RASEF: variants seen among roughly 807,000 people sequenced by gnomAD.
The protein encoded by RASEF is RAS and EF-hand domain containing.
RASEF carries 68 observed loss-of-function variants against 90.1 expected under a neutral mutation model. The observed-to-expected ratio is 0.75, with a 90% CI of 0.62 to 0.92. The LOEUF is 0.92. Among genes scored for constraint, RASEF ranks in the 40% least tolerant of loss-of-function variants. The probability of loss-of-function intolerance (pLI) is 0.00; values close to 1 mark genes in which losing one functional copy is unlikely to be tolerated. For synonymous variants in RASEF, 331 were observed against 345.2 expected, an observed-to-expected ratio of 0.96 and a Z score of 0.46; for missense variants, 949 against 937.2, an observed-to-expected ratio of 1.01 and a Z score of -0.16.
chr9:83,017,015 C>T (rs1829353778), intron 3 of RASEF, among the ~76,000 whole-genome samples: 1 of 152,138 alleles, frequency 6.6e-6, no homozygotes, highest in Admixed American at 6.5e-5. Context: ...TTGACTTCAT[C>T]CAGCTTTACA....
the RASEF span, among the ~76,000 whole-genome samples, chr9:83,131,202 T>C: frequency 6.6e-6 from 1 of 152,144 alleles, no homozygotes; most frequent in African/African-American, 2.4e-5. Context: ...AACAAAACAG[T>C]CATGTGGCCA....
the RASEF span, among the ~76,000 whole-genome samples, chr9:83,102,558 C>G: frequency 0.28 from 42,161 of 151,968 alleles, 6,317 homozygotes; most frequent in East Asian, 0.58. Context: ...GTTTCTTATA[C>G]TCATAGCTCC....
At chr9:83,139,017 C>T in the RASEF span, among the ~76,000 whole-genome samples, 12 of 152,058 alleles carry the variant, frequency 7.9e-5, no homozygotes, top group African/African-American at 2.9e-4. Flanking sequence ...AAACATCAGG[C>T]TCTCTGTAAG....
chr9:83,211,858 G>A, the RASEF span, among the ~76,000 whole-genome samples: 6 of 152,218 alleles, frequency 3.9e-5, no homozygotes, highest in South Asian at 2.1e-4. Context: ...AAAGGAACCC[G>A]TGGCTTTTGG....
chr9:83,190,601 T>C, the RASEF span, among the ~76,000 whole-genome samples: 1 of 152,240 alleles, frequency 6.6e-6, no homozygotes, highest in Non-Finnish European at 1.5e-5. Flanking sequence ...TTGTGCTTAA[T>C]GATGCCAACA....
chr9:83,048,206 A>G (rs1240900416), intron 1 of RASEF: 1 of 985,324 alleles, frequency 1.0e-6, no homozygotes, highest in Non-Finnish European at 1.2e-6. Context: ...CTTGGAGGTC[A>G]TCTGACAGGG....
chr9:83,062,452 G>T lies in RASEF; in HGVS notation c.416C>A (p.Ala139Asp), dbSNP rs1255123773. 2.5e-6 allele frequency: 4 copies of T among 1,612,880 alleles called. No homozygotes were observed. In the African/African-American group the frequency reaches 4.0e-5, roughly 16 times the overall value. ...QDFQARLGDEAKFIPREEQVS... is the reference protein window; with the variant it reads ...QDFQARLGDEDKFIPREEQVS... ...ACACTCGCACCTGGGAATGAACTTG[G>T]CTTCGTCCCCAAGTCGCGCCTGGAA... Residue 139 changes from alanine to aspartate, a missense_variant, in exon 1 of 17, where the codon GCC becomes GAC. Ala to Asp is a moderately radical substitution (Grantham distance 126). Around this residue, in one of 3 missense-constraint regions of RASEF, gnomAD observed 656 missense variants for 592.2 expected, o/e 1.11. Transcript: ENST00000376447.
chr9:83,011,550 CAAAAAA>C (rs71363083), intron 5 of RASEF, among the ~76,000 whole-genome samples: 1 of 28,108 alleles, frequency 3.6e-5, no homozygotes, highest in Non-Finnish European at 6.2e-5. Flanking sequence ...GACTCCATCT[CAAAAAA>C]AAAAAAAAAA....
chr9:83,156,810 T>C, the RASEF span, among the ~76,000 whole-genome samples: 1 of 152,134 alleles, frequency 6.6e-6, no homozygotes, highest in Non-Finnish European at 1.5e-5. Context: ...TTATGCTAAG[T>C]TGGGATGGGT....
chr9:83,000,678 A>C, intron 10 of RASEF, 108 bp from the exon 11 acceptor site: 1 of 1,047,008 alleles, frequency 9.6e-7, no homozygotes, highest in Non-Finnish European at 1.4e-6. Flanking sequence ...TATGCAGCTA[A>C]ATCAACAGTC....
At chr9:83,205,763 A>G in the RASEF span, among the ~76,000 whole-genome samples, 1 of 152,344 alleles carries the variant, frequency 6.6e-6, no homozygotes, top group East Asian at 1.9e-4. Flanking sequence ...ATTTCTCAGA[A>G]GATTGCCAAT....
intron 15 of RASEF, among the ~76,000 whole-genome samples, chr9:82,992,007 T>C (rs1828825183): frequency 6.6e-6 from 1 of 152,240 alleles, no homozygotes; most frequent in South Asian, 2.1e-4. Context: ...AAATATGGGT[T>C]GAGTGAATCT....
the RASEF span, among the ~76,000 whole-genome samples, chr9:83,121,315 T>A: frequency 6.6e-6 from 1 of 152,218 alleles, no homozygotes; most frequent in East Asian, 1.9e-4. Flanking sequence ...CTAGATATGT[T>A]TCTATGTATT....
intron 1 of RASEF, among the ~76,000 whole-genome samples, chr9:83,034,500 T>C (rs1829704195): frequency 6.6e-6 from 1 of 152,162 alleles, no homozygotes; most frequent in Admixed American, 6.5e-5. Flanking sequence ...CCAAAAGATA[T>C]TAAAACGGAA....
chr9:83,079,725 C>T, the RASEF span, among the ~76,000 whole-genome samples: 1 of 151,418 alleles, frequency 6.6e-6, no homozygotes, highest in African/African-American at 2.4e-5. Flanking sequence ...TCAACCTTAA[C>T]AAATTGTATG....
intron 16 of RASEF, 23 bp from the exon 17 acceptor site, chr9:82,982,805 CAGAGAGAGAGAGAGAG>C: frequency 1.1e-6 from 1 of 915,884 alleles, no homozygotes; most frequent in Non-Finnish European, 1.8e-6. Flanking sequence ...TAGAGAGAGA[CAGAGAGAGAGAGAGAG>C]AGAGAGAGAG....
chr9:83,215,327 C>T, the RASEF span, among the ~76,000 whole-genome samples: 1 of 152,130 alleles, frequency 6.6e-6, no homozygotes, highest in African/African-American at 2.4e-5. Context: ...TGGCCCTCTA[C>T]CCTTGCAAAA....
At chr9:83,191,456 T>C in the RASEF span, among the ~76,000 whole-genome samples, 2 of 152,168 alleles carry the variant, frequency 1.3e-5, no homozygotes, top group Admixed American at 1.3e-4. Context: ...AATAAAAGAA[T>C]ACCAGGCAAT....
chr9:83,017,517 C>T (rs1218984997), intron 3 of RASEF, among the ~76,000 whole-genome samples: 1 of 151,376 alleles, frequency 6.6e-6, no homozygotes, highest in Non-Finnish European at 1.5e-5. Flanking sequence ...AAAAGAAGTA[C>T]TTTATCCAGA....
Sources: allele counts gnomAD v4.1 joint callset (sites outside exome capture counted in the v4.1 genomes callset), GRCh38; gene constraint gnomAD v4.1.1; regional missense constraint gnomAD v4.1.1; transcripts MANE v1.5; gene names NCBI Gene and HGNC (gene_info 2026-07-23, HGNC 2026-07-21).